The following SVEP1 variants were observed in gnomAD, a reference collection of about 807,000 sequenced individuals.
SVEP1 encodes sushi, von Willebrand factor type A, EGF and pentraxin domain containing 1.
A neutral mutation model predicts 367.3 loss-of-function variants in SVEP1; 164 were observed. The observed-to-expected ratio is 0.45, with a 90% CI of 0.39 to 0.51. The LOEUF is 0.51. Ranked by LOEUF, SVEP1 falls within the 20% of genes least tolerant of loss-of-function variation. The probability of loss-of-function intolerance (pLI) is 0.00; values close to 1 mark genes in which losing one functional copy is unlikely to be tolerated. For missense variants in SVEP1, 4,117 were observed against 4,425.3 expected, an observed-to-expected ratio of 0.93 and a Z score of 1.98; for synonymous variants, 1,666 against 1,611.6, an observed-to-expected ratio of 1.03 and a Z score of -0.81.
At position 110,465,865 on chromosome 9, in the gene SVEP1, C is replaced by T. The variant is rs768025761; in HGVS notation, c.3322G>A (p.Val1108Ile). ...RGAVNISACG[V>I]PCPEGKFSRS... ...TATCAATGTCTAAGGCTTTGATAAC[C>T]TCCACATGCAGAAATGTTCACGGCT... The change falls in exon 18 of 48, where the codon GTT becomes ATT. Residue 1108 changes from valine to isoleucine, a missense_variant and splice_region_variant. Around this residue, in one of 4 missense-constraint regions of SVEP1, gnomAD observed 2,174 missense variants for 2,494.3 expected, o/e 0.87. Transcript: ENST00000374469. 6.2e-7 allele frequency: 1 copy of T among 1,612,260 alleles called. No homozygotes were observed. Among genetic ancestry groups the T allele is most frequent in the Non-Finnish European group, 8.5e-7 (1 of 1,179,070 alleles).
At chr9:110,474,845 T>C (rs1451792329) in intron 14 of SVEP1, among the ~76,000 whole-genome samples, 1 of 152,118 alleles carries the variant, frequency 6.6e-6, no homozygotes, top group South Asian at 2.1e-4. Flanking sequence ...GGGATAATAT[T>C]CAAACTGTAC....
chr9:110,451,395 C>G lies in SVEP1; in HGVS notation c.3795G>C (p.Arg1265=), dbSNP rs1412788821. The G allele has an allele frequency of 1.2e-6, 2 of 1,612,194 alleles. No individual in the cohort carries two copies. The highest frequency in any genetic ancestry group is 1.7e-6 in the Non-Finnish European group (2 of 1,178,808). The change falls in exon 23 of 48, where the codon CGG becomes CGC. Residue 1265 remains arginine, a synonymous_variant. Transcript: ENST00000374469. ...CECPSGYTGQ[R]CEENINECSS... is the part of the protein sequence containing the mutation. ...TACACTCATTTATATTTTCTTCACACCGCTGACCTGCAAAGAATCATTCAT... is the reference window on the plus strand; with the variant it reads ...TACACTCATTTATATTTTCTTCACAGCGCTGACCTGCAAAGAATCATTCAT...
At position 110,389,536 on chromosome 9, in the gene SVEP1, C is replaced by A. The variant is rs1262371935; in HGVS notation, c.9874G>T (p.Ala3292Ser). Residue 3292 changes from alanine to serine, a missense_variant, in exon 41 of 48, where the codon GCA becomes TCA. By Grantham distance (99) the Ala-to-Ser change is moderately conservative. Around this residue, in one of 4 missense-constraint regions of SVEP1, gnomAD observed 1,765 missense variants for 1,781.1 expected, o/e 0.99. Transcript: ENST00000374469. ...QENRQWSGGVAICKETRCETP... is the reference protein window; with the variant it reads ...QENRQWSGGVSICKETRCETP... ...TCATTCAACTCACCTTTGCATATTG[C>A]CACCCCTCCACTCCACTGTCTGTTC... The A allele has an allele frequency of 1.2e-6, 2 of 1,613,596 alleles. No individual in the cohort carries two copies. Among genetic ancestry groups the A allele is most frequent in the Non-Finnish European group, 1.7e-6 (2 of 1,179,728 alleles).
chr9:110,474,306 T>C (rs1379976689), intron 14 of SVEP1, among the ~76,000 whole-genome samples: 1 of 152,174 alleles, frequency 6.6e-6, no homozygotes, highest in Non-Finnish European at 1.5e-5. Flanking sequence ...GGCCTAGTTT[T>C]AATTTTATAT....
intron 36 of SVEP1, among the ~76,000 whole-genome samples, chr9:110,412,104 G>T (rs972754460): frequency 2.6e-5 from 4 of 152,092 alleles, no homozygotes; most frequent in Admixed American, 2.0e-4. Flanking sequence ...GCTACTTAAG[G>T]AACTCTAATA....
chr9:110,455,847 T>G, intron 21 of SVEP1, 144 bp from the exon 22 acceptor site: 3 of 514,736 alleles, frequency 5.8e-6, no homozygotes, highest in Non-Finnish European at 1.0e-5. Flanking sequence ...AGTGCTACCA[T>G]CTATTAAGTA....
chr9:110,534,814 G>A (rs12551930), intron 3 of SVEP1, among the ~76,000 whole-genome samples: 7,729 of 152,100 alleles, frequency 0.051, 403 homozygotes, highest in Admixed American at 0.16. Flanking sequence ...TTGGGTGCGT[G>A]TATGCCTTTG....
In SVEP1 at chr9:110,432,633, T is replaced by C. The variant is rs1223244918; in HGVS notation, c.5062A>G (p.Ile1688Val). ...WTQPLPHCER[I>V]SCGVPPPLEN... ...AAAGGAGGTGGCACCCCACAGCTAA[T>C]GCCTGTAAGGTGACCAGGAAGAAGA... The change falls in exon 31 of 48, where the codon ATT (isoleucine) becomes GTT (valine). Residue 1688 changes from isoleucine (I) to valine (V), a missense_variant and splice_region_variant. Physicochemically the swap from Ile to Val is conservative, Grantham distance 29. Around this residue, in one of 4 missense-constraint regions of SVEP1, gnomAD observed 2,174 missense variants for 2,494.3 expected, o/e 0.87. Transcript: ENST00000374469. The C allele has an allele frequency of 1.2e-6, 2 of 1,610,492 alleles. No homozygotes were observed. The highest frequency in any genetic ancestry group is 1.3e-5 in the African/African-American group (1 of 74,794).
At chr9:110,367,362 C>T (rs568857281) in intron 47 of SVEP1, among the ~76,000 whole-genome samples, 2 of 151,708 alleles carry the variant, frequency 1.3e-5, no homozygotes, top group Non-Finnish European at 2.9e-5. Context: ...TGGGATCTTC[C>T]TATGTTGCCC....
chr9:110,491,590 G>GGGGTGT (rs76905358), intron 8 of SVEP1, among the ~76,000 whole-genome samples: 8 of 147,732 alleles, frequency 5.4e-5, no homozygotes, highest in South Asian at 2.2e-4. Flanking sequence ...TATAGAATGG[G>GGGGTGT]GTGTGTGTGT....
At chr9:110,431,415 A>G (rs1828347156) in intron 32 of SVEP1, among the ~76,000 whole-genome samples, 1 of 152,226 alleles carries the variant, frequency 6.6e-6, no homozygotes, top group Non-Finnish European at 1.5e-5. Context: ...CAAATGAAGA[A>G]ATACAACAAC....
At position 110,435,380 on chromosome 9, in the gene SVEP1, C is replaced by A. The variant is rs751320137; in HGVS notation, c.4765-16G>T. 39 of 1,611,550 alleles carry A rather than the reference C, an allele frequency of 2.4e-5. No homozygotes were observed. Among genetic ancestry groups the A allele is most frequent in the Middle Eastern group, 3.3e-4 (2 of 6,064 alleles). Reference sequence around the variant, plus strand: ...GTGACTTCACCTGAAAGTTTAATAACACTTTAGATAAGCCTTACTTGTTCC... The same window carrying A: ...GTGACTTCACCTGAAAGTTTAATAAAACTTTAGATAAGCCTTACTTGTTCC... On this transcript the variant is annotated splice_polypyrimidine_tract_variant and intron_variant, in intron 28 of 47. Transcript: ENST00000374469.
intron 5 of SVEP1, among the ~76,000 whole-genome samples, chr9:110,509,718 TA>T (rs1266212898): frequency 6.6e-6 from 1 of 152,210 alleles, no homozygotes; most frequent in Non-Finnish European, 1.5e-5. Context: ...CATCAATGTA[TA>T]TACTGTAGTT....
intron 36 of SVEP1, among the ~76,000 whole-genome samples, chr9:110,425,889 A>T (rs1828246066): frequency 1.3e-5 from 2 of 152,190 alleles, no homozygotes; most frequent in Non-Finnish European, 2.9e-5. Flanking sequence ...TAATAAAATC[A>T]TGGATGACTT....
intron 20 of SVEP1, 111 bp from the exon 21 acceptor site, chr9:110,457,463 A>T: frequency 1.2e-6 from 1 of 818,172 alleles, no homozygotes; most frequent in Non-Finnish European, 2.0e-6. Context: ...TCCTGTTTCC[A>T]GGTAAGTTCA....
chr9:110,408,126 T>C lies in SVEP1; in HGVS notation c.7474A>G (p.Thr2492Ala), dbSNP rs1255020972. 1 of 1,613,826 alleles carries C rather than the reference T, an allele frequency of 6.2e-7. No homozygotes were observed. The highest frequency in any genetic ancestry group is 1.1e-5 in the South Asian group (1 of 91,032). Residue 2492 changes from threonine to alanine, a missense_variant, in exon 38 of 48, where the codon ACA (threonine) becomes GCA (alanine). Thr to Ala is a moderately conservative substitution (Grantham distance 58). Coordinates refer to ENST00000374469, the MANE Select transcript of SVEP1 (RefSeq NM_153366.4). Reference sequence around the variant, plus strand: ...TTCAGGCACTCAATGGCTTTACATGTTGGTTTTCCTCCAAGCCAGTGACCA... The same window carrying C: ...TTCAGGCACTCAATGGCTTTACATGCTGGTTTTCCTCCAAGCCAGTGACCA... ...ENGHWLGGKP[T>A]CKAIECLKPK...
chr9:110,553,588 A>C (rs767990523), intron 1 of SVEP1, among the ~76,000 whole-genome samples: 6 of 152,140 alleles, frequency 3.9e-5, no homozygotes, highest in Non-Finnish European at 7.4e-5. Context: ...GAAGGAGGTC[A>C]CTTTAACCCC....
At chr9:110,513,214 T>A in intron 4 of SVEP1, 109 bp from the exon 5 acceptor site, 1 of 1,029,310 alleles carries the variant, frequency 9.7e-7, no homozygotes, top group Non-Finnish European at 1.4e-6. Context: ...GTCAATTGCC[T>A]ACAGCATTTC....
intron 3 of SVEP1, among the ~76,000 whole-genome samples, chr9:110,521,340 AGACTATTTG>A (rs1829872833): frequency 6.6e-6 from 1 of 152,210 alleles, no homozygotes; most frequent in South Asian, 2.1e-4. Context: ...GCCAGAGTAC[AGACTATTTG>A]GACAAAGTTG....
Sources: gnomAD v4.1 joint callset for allele counts (sites outside exome capture counted in the v4.1 genomes callset) on GRCh38, gnomAD v4.1.1 for gene constraint, gnomAD v4.1.1 regional missense constraint, MANE v1.5 for transcripts, NCBI Gene and HGNC (gene_info 2026-07-23, HGNC 2026-07-21) for gene names.